EFCAB3: variants seen among roughly 807,000 people sequenced by gnomAD.
EFCAB3 encodes the protein EF-hand calcium binding domain 3.
Under a neutral mutation model 42.2 loss-of-function variants are expected in EFCAB3, and 36 were observed. The ratio of observed to expected loss-of-function variants is 0.85; its 90% CI spans 0.65 to 1.13. The LOEUF (loss-of-function observed/expected upper bound fraction) is 1.13. EFCAB3 is among the 50% of genes most tolerant of loss of function. The probability of loss-of-function intolerance (pLI) is 0.00; values close to 1 mark genes in which losing one functional copy is unlikely to be tolerated. For missense variants in EFCAB3, 418 were observed against 505.1 expected, an observed-to-expected ratio of 0.83 and a Z score of 1.65; for synonymous variants, 170 against 172.8, an observed-to-expected ratio of 0.98 and a Z score of 0.13.
chr17:62,387,882 A>G (rs1043085850), intron 3 of EFCAB3, among the ~76,000 whole-genome samples: 2 of 152,194 alleles, frequency 1.3e-5, no homozygotes, highest in Admixed American at 6.5e-5. Context: ...CTGCCCTGAT[A>G]GGAAGTCTAA....
intron 1 of EFCAB3, among the ~76,000 whole-genome samples, chr17:62,370,722 T>A (rs1422782849): frequency 6.6e-6 from 1 of 152,074 alleles, no homozygotes; most frequent in Non-Finnish European, 1.5e-5. Context: ...ATGATCCTTA[T>A]CTTTGTAACA....
upstream of EFCAB3, among the ~76,000 whole-genome samples, chr17:62,376,222 C>T (rs375322633): frequency 2.3e-4 from 35 of 152,280 alleles, no homozygotes; most frequent in African/African-American, 7.9e-4. Flanking sequence ...CCTGTAATCT[C>T]AGCACTTTGG....
intron 2 of EFCAB3, among the ~76,000 whole-genome samples, chr17:62,384,528 T>C (rs1181929365): frequency 2.6e-5 from 4 of 152,030 alleles, no homozygotes; most frequent in Non-Finnish European, 5.9e-5. Flanking sequence ...GGTGGGAGGA[T>C]TGCTCGAGCC....
At chr17:62,406,169 G>T (rs1206364936) in intron 6 of EFCAB3, among the ~76,000 whole-genome samples, 4 of 151,890 alleles carry the variant, frequency 2.6e-5, no homozygotes, top group Non-Finnish European at 5.9e-5. Context: ...AGGAGTTCCA[G>T]TCCAGCCTGG....
At chr17:62,388,866 T>C (rs1308314799) in intron 3 of EFCAB3, among the ~76,000 whole-genome samples, 5 of 152,222 alleles carry the variant, frequency 3.3e-5, no homozygotes, top group Non-Finnish European at 7.3e-5. Context: ...TAACAGCTTA[T>C]GGTTTTATAG....
chr17:62,412,467 T>TTTG lies in EFCAB3; in HGVS notation c.868-1252_868-1250dup, dbSNP rs1366787217. On this transcript the variant is annotated intron_variant, in intron 8 of 9. Transcript: ENST00000305286. ...TTTTTCAAATTTTCCCCAAGGGTTT[T>TTTG]TTGTTGTTGTTGTTGAGACAGGGTC... 2.6e-5 allele frequency among the ~76,000 whole-genome samples: 4 copies of TTTG among 152,170 alleles called. No homozygotes were observed. In the East Asian group the frequency reaches 7.7e-4, roughly 29 times the overall value.
intron 1 of EFCAB3, chr17:62,370,449 G>A: frequency 1.1e-6 from 1 of 877,178 alleles, no homozygotes; most frequent in Non-Finnish European, 1.8e-6. Flanking sequence ...GAGGTCAGGA[G>A]TTCGAGACTA....
rs2070187713 is a variant in EFCAB3 at position 62,380,570 on chromosome 17, C to A, written c.-61C>A. The A allele has an allele frequency of 1.0e-6, 1 of 985,294 alleles. No homozygotes were observed. Among genetic ancestry groups the A allele is most frequent in the South Asian group, 4.7e-5 (1 of 21,284 alleles). 61.0% of individuals were successfully genotyped at this position (985,294 alleles called of 1,614,324 possible). ...ACAAACCCTTTATTGGATTCCTGAT[C>A]TGATTGAAGCCCAGAAGTGGTAGGT... On this transcript the variant is annotated 5_prime_UTR_variant, in exon 1 of 10. It adds an upstream start codon to the 5' untranslated region. Coordinates refer to ENST00000305286, the MANE Select transcript of EFCAB3 (RefSeq NM_173503.4).
intron 6 of EFCAB3, among the ~76,000 whole-genome samples, chr17:62,398,955 C>A (rs2070377874): frequency 6.6e-6 from 1 of 152,028 alleles, no homozygotes; most frequent in African/African-American, 2.4e-5. Context: ...TCTGAGCAAG[C>A]ACTTTACATA....
intron 1 of EFCAB3, among the ~76,000 whole-genome samples, chr17:62,382,490 C>T (rs1402877225): frequency 5.3e-5 from 8 of 152,100 alleles, no homozygotes; most frequent in South Asian, 2.1e-4. Context: ...GTATACATTA[C>T]AGTAGTATTA....
At chr17:62,392,077 C>A in intron 4 of EFCAB3, 112 bp downstream of exon 4, 4 of 858,084 alleles carry the variant, frequency 4.7e-6, no homozygotes, top group Non-Finnish European at 6.4e-6. Context: ...CTTGCCCCCC[C>A]AAATATATAT....
chr17:62,396,197 A>G (rs1364216832), intron 6 of EFCAB3, among the ~76,000 whole-genome samples: 3 of 152,228 alleles, frequency 2.0e-5, no homozygotes, highest in Non-Finnish European at 2.9e-5. Context: ...TAAGAGCTCA[A>G]TAAATGTTAG....
At chr17:62,387,479 C>T (rs202067567) in intron 3 of EFCAB3, 63 bp downstream of exon 3, 20 of 1,016,752 alleles carry the variant, frequency 2.0e-5, no homozygotes, top group Non-Finnish European at 2.6e-5. Context: ...ATCCTTTCTT[C>T]TCTAAGAAAG....
At chr17:62,375,393 A>G (rs548205004) in intron 2 of EFCAB3, among the ~76,000 whole-genome samples, 87 of 152,196 alleles carry the variant, frequency 5.7e-4, no homozygotes, top group Non-Finnish European at 1.1e-3. Context: ...CATACTGCCA[A>G]TTGGAGATAC....
At chr17:62,400,774 T>C (rs181169189) in intron 6 of EFCAB3, among the ~76,000 whole-genome samples, 11 of 152,328 alleles carry the variant, frequency 7.2e-5, no homozygotes, top group African/African-American at 2.6e-4. Flanking sequence ...AAATGGTATT[T>C]CTATTTCTAG....
At chr17:62,413,465 CA>C (rs1177226279) in intron 8 of EFCAB3, among the ~76,000 whole-genome samples, 3 of 152,074 alleles carry the variant, frequency 2.0e-5, no homozygotes, top group African/African-American at 7.2e-5. Flanking sequence ...CAATAATTAC[CA>C]AAAGGACAGA....
At chr17:62,381,627 G>A (rs1473837665) in intron 1 of EFCAB3, 6 of 181,330 alleles carry the variant, frequency 3.3e-5, no homozygotes, top group East Asian at 1.8e-4. Context: ...AAGATCGCAC[G>A]CATGGAGGCC....
intron 3 of EFCAB3, among the ~76,000 whole-genome samples, chr17:62,389,642 CACCTCCATGTCT>C (rs1002185917): frequency 6.6e-6 from 1 of 152,106 alleles, no homozygotes; most frequent in African/African-American, 2.4e-5. Context: ...CGTAGACCCT[CACCTCCATGTCT>C]ACCTCCTTAC....
intron 8 of EFCAB3, 150 bp downstream of exon 8, chr17:62,407,362 T>A: frequency 1.5e-6 from 1 of 656,446 alleles, no homozygotes; most frequent in Non-Finnish European, 2.3e-6. Flanking sequence ...TAAGTCCAGG[T>A]ATTAACATTT....
Sources: gnomAD v4.1 joint callset for allele counts (sites outside exome capture counted in the v4.1 genomes callset) on GRCh38, gnomAD v4.1.1 for gene constraint, MANE v1.5 for transcripts, NCBI Gene and HGNC (gene_info 2026-07-23, HGNC 2026-07-21) for gene names.